Variants in KAT2B observed in about 807,000 individuals in gnomAD.
KAT2B encodes the protein lysine acetyltransferase 2B.
Under a neutral mutation model 105.9 loss-of-function variants are expected in KAT2B, and 36 were observed. That is an observed-to-expected ratio of 0.34 (90% CI 0.26 to 0.45). The LOEUF (loss-of-function observed/expected upper bound fraction) is 0.45. Ranked by LOEUF, KAT2B falls within the 20% of genes least tolerant of loss-of-function variation. The pLI is 1.00. For missense variants in KAT2B, 820 were observed against 1,021.6 expected (o/e 0.80, Z 2.69); for synonymous variants, 397 against 377.9 (o/e 1.05, Z -0.59).
At chr3:20,126,313 A>C (rs1699402733) in intron 10 of KAT2B, among the ~76,000 whole-genome samples, 200 bp downstream of exon 10, 1 of 152,194 alleles carries the variant, frequency 6.6e-6, no homozygotes. Context: ...TTTCTTGTTA[A>C]TGATGATGAA....
chr3:20,111,796 G>A lies in KAT2B; in HGVS notation c.1043+9G>A. On this transcript the variant is annotated intron_variant, in intron 6 of 17. Transcript: ENST00000263754. Reference sequence around the variant, plus strand: ...CTCACTCATTTCCCAAAGTAAGGGAGAGTTTTTGCTGGTCTTTGTTTGATC... The same window carrying A: ...CTCACTCATTTCCCAAAGTAAGGGAAAGTTTTTGCTGGTCTTTGTTTGATC... 1.2e-6 allele frequency: 2 copies of A among 1,607,206 alleles called. No homozygotes were observed. Among genetic ancestry groups the A allele is most frequent in the Non-Finnish European group, 1.7e-6 (2 of 1,176,374 alleles).
At chr3:20,089,266 A>G (rs575186402) in intron 2 of KAT2B, among the ~76,000 whole-genome samples, 1 of 152,262 alleles carries the variant, frequency 6.6e-6, no homozygotes, top group Non-Finnish European at 1.5e-5. Context: ...TCTGTGAAAA[A>G]TGTCATTGGA....
intron 1 of KAT2B, among the ~76,000 whole-genome samples, chr3:20,068,378 C>T (rs1373093003): frequency 2.7e-5 from 4 of 150,630 alleles, no homozygotes; most frequent in Non-Finnish European, 5.9e-5. Context: ...AAGCCAGGCA[C>T]TCTCTTGCCT....
At chr3:20,101,584 A>G in intron 5 of KAT2B, 116 bp downstream of exon 5, 1 of 745,488 alleles carries the variant, frequency 1.3e-6, no homozygotes, top group Non-Finnish European at 2.2e-6. Context: ...CCATCAATTC[A>G]GAGATAATGT....
intron 2 of KAT2B, among the ~76,000 whole-genome samples, chr3:20,092,561 T>TATATA (rs1402572120): frequency 6.6e-6 from 1 of 150,968 alleles, no homozygotes; most frequent in Non-Finnish European, 1.5e-5. Flanking sequence ...TATATTATAT[T>TATATA]ATATATATAT....
chr3:20,078,582 T>G (rs1018095913), intron 2 of KAT2B, among the ~76,000 whole-genome samples: 3 of 151,926 alleles, frequency 2.0e-5, no homozygotes, highest in African/African-American at 4.8e-5. Flanking sequence ...TTTTGTTATA[T>G]TGCCTGGGCT....
intron 12 of KAT2B, 55 bp downstream of exon 12, chr3:20,137,107 C>A: frequency 3.4e-6 from 3 of 878,722 alleles, no homozygotes; most frequent in South Asian, 1.4e-5. Flanking sequence ...AATATGTTCT[C>A]AGGTAGCGTT....
At chr3:20,076,091 A>T (rs1214897223) in intron 2 of KAT2B, among the ~76,000 whole-genome samples, 3 of 152,026 alleles carry the variant, frequency 2.0e-5, no homozygotes, top group African/African-American at 7.3e-5. Flanking sequence ...CCTCATTAGC[A>T]TAAACTCAGG....
chr3:20,087,653 T>G (rs1306489729), intron 2 of KAT2B, among the ~76,000 whole-genome samples: 1 of 152,218 alleles, frequency 6.6e-6, no homozygotes. Flanking sequence ...CCAGCATCTC[T>G]ACCCGTACCT....
chr3:20,127,377 A>G (rs757893210), intron 10 of KAT2B, 46 bp from the exon 11 acceptor site: 1 of 1,550,866 alleles, frequency 6.4e-7, no homozygotes, highest in Admixed American at 1.7e-5. Context: ...AAGTATATTT[A>G]TATAACTAGG....
rs551735012 is a variant in KAT2B, at chr3:20,105,553, G to A, written c.851+4085G>A. Among the ~76,000 whole-genome samples the A allele has an allele frequency of 4.6e-5, 7 of 152,218 alleles. No individual in the cohort carries two copies. In the East Asian group the frequency reaches 1.4e-3, roughly 29 times the overall value. On this transcript the variant is annotated intron_variant, in intron 5 of 17. Coordinates refer to ENST00000263754, the MANE Select transcript of KAT2B (RefSeq NM_003884.5). ...CAACTTTGGGAGGCTGAGGCGAGAGGATCGCTTGAGCCCAGGAGTTTGAGC... is the reference window on the plus strand; with the variant it reads ...CAACTTTGGGAGGCTGAGGCGAGAGAATCGCTTGAGCCCAGGAGTTTGAGC...
At chr3:20,136,867 A>G (rs1699607819) in intron 11 of KAT2B, 75 bp from the exon 12 acceptor site, 2 of 714,866 alleles carry the variant, frequency 2.8e-6, no homozygotes, top group Non-Finnish European at 4.9e-6. Context: ...TGAATTCACC[A>G]TCATTTCCTG....
intron 11 of KAT2B, among the ~76,000 whole-genome samples, chr3:20,130,870 T>TGTGC (rs80100123): frequency 2.6e-4 from 39 of 151,622 alleles, no homozygotes; most frequent in East Asian, 1.4e-3. Flanking sequence ...TGTGTGTGTG[T>TGTGC]GCGTGCATGT....
Position 20,123,665 on chromosome 3 carries a change from G to T in KAT2B, c.1413+861G>T, listed in dbSNP as rs528618226. 6.4e-4 allele frequency among the ~76,000 whole-genome samples: 98 copies of T among 152,238 alleles called. 1 individual carries two copies. Among genetic ancestry groups the T allele is most frequent in the Non-Finnish European group, 1.1e-3 (77 of 68,012 alleles). On this transcript the variant is annotated intron_variant, in intron 9 of 17. Transcript: ENST00000263754. Reference sequence around the variant, plus strand: ...TTGTTGTTGTTGAAGGATCAGTTAGGGATTGTGCATTGCATTTAATTCTTA... The same window carrying T: ...TTGTTGTTGTTGAAGGATCAGTTAGTGATTGTGCATTGCATTTAATTCTTA...
At chr3:20,072,598 T>G in intron 2 of KAT2B, 139 bp downstream of exon 2, 1 of 788,208 alleles carries the variant, frequency 1.3e-6, no homozygotes, top group Admixed American at 2.3e-5. Context: ...CTCTCTAGTC[T>G]CACGAGTTTG....
chr3:20,091,206 TTCTATA>T (rs1435375242), intron 2 of KAT2B, among the ~76,000 whole-genome samples: 4 of 152,188 alleles, frequency 2.6e-5, no homozygotes, highest in African/African-American at 9.6e-5. Context: ...TGTTCAGATT[TTCTATA>T]TTTTCATGAT....
intron 2 of KAT2B, among the ~76,000 whole-genome samples, chr3:20,083,731 TGA>T (rs964120953): frequency 1.9e-4 from 29 of 152,240 alleles, no homozygotes; most frequent in Admixed American, 1.5e-3. Flanking sequence ...GCAGTGTCTC[TGA>T]GAGAGAATGA....
At chr3:20,138,095 AAAAGT>A (rs1156861350) in intron 12 of KAT2B, among the ~76,000 whole-genome samples, 8 of 152,356 alleles carry the variant, frequency 5.3e-5, no homozygotes, top group Middle Eastern at 3.4e-3. Flanking sequence ...TTCTGACTAT[AAAAGT>A]AATGTGTAAT....
intron 2 of KAT2B, among the ~76,000 whole-genome samples, chr3:20,076,916 A>G (rs943225808): frequency 1.3e-5 from 2 of 152,236 alleles, no homozygotes; most frequent in Non-Finnish European, 2.9e-5. Flanking sequence ...ACGAAATGAA[A>G]TATTCTTGAA....
Sources: gnomAD v4.1 joint callset for allele counts (sites outside exome capture counted in the v4.1 genomes callset) on GRCh38, gnomAD v4.1.1 for gene constraint, MANE v1.5 for transcripts, NCBI Gene and HGNC (gene_info 2026-07-23, HGNC 2026-07-21) for gene names.